The following AXIN1 variants were observed in gnomAD, a reference collection of about 807,000 sequenced individuals.
AXIN1 encodes axin-1.
AXIN1 carries 30 observed loss-of-function variants against 76.4 expected under a neutral mutation model. The observed-to-expected ratio is 0.39, with a 90% CI of 0.29 to 0.53. The LOEUF (loss-of-function observed/expected upper bound fraction) is 0.53. AXIN1 is among the 20% of genes least tolerant of loss of function. The pLI, the probability that AXIN1 is intolerant of heterozygous loss-of-function variation, is 0.66. For synonymous variants in AXIN1, 545 were observed against 501.4 expected (o/e 1.09, Z -1.16); for missense variants, 1,140 against 1,198.8 (o/e 0.95, Z 0.72).
chr16:329,749 G>A (rs954539288), intron 2 of AXIN1, among the ~76,000 whole-genome samples: 3 of 151,798 alleles, frequency 2.0e-5, no homozygotes, highest in East Asian at 1.9e-4. Context: ...TCAGCCTCCC[G>A]AGTAGCTGGG....
At chr16:337,042 G>A (rs1474695677) in intron 2 of AXIN1, among the ~76,000 whole-genome samples, 1 of 149,540 alleles carries the variant, frequency 6.7e-6, no homozygotes, top group African/African-American at 2.5e-5. Context: ...CCCAGATACT[G>A]GGGAGGCTGA....
At chr16:340,945 C>T (rs2053904965) in intron 2 of AXIN1, among the ~76,000 whole-genome samples, 1 of 152,226 alleles carries the variant, frequency 6.6e-6, no homozygotes, top group Admixed American at 6.5e-5. Flanking sequence ...TGCCTGTGGC[C>T]GTGCTGGACC....
intron 4 of AXIN1, among the ~76,000 whole-genome samples, chr16:305,662 G>A (rs2053001417): frequency 6.6e-6 from 1 of 152,120 alleles, no homozygotes; most frequent in South Asian, 2.1e-4. Context: ...TCCTGCCTCA[G>A]CCTCCCGAGT....
intron 8 of AXIN1, chr16:291,624 G>A (rs777382630): frequency 9.3e-6 from 4 of 431,228 alleles, no homozygotes; most frequent in South Asian, 6.2e-5. Context: ...ATCTCGTCCC[G>A]AGAGTCTGTC....
Position 317,050 on chromosome 16 carries a change from G to T in AXIN1, c.879-2367C>A, listed in dbSNP as rs542984460. 3.9e-5 allele frequency among the ~76,000 whole-genome samples: 6 copies of T among 152,288 alleles called. 1 individual carries two copies. The South Asian group carries it at 1.0e-3, about 26-fold the overall frequency. On this transcript the variant is annotated intron_variant, in intron 2 of 10. Coordinates refer to ENST00000262320, the MANE Select transcript of AXIN1 (RefSeq NM_003502.4). ...ATGTCGGAGGTGCAAGCACACCTGC[G>T]CATCAGAGTCCTTGGTGTGGAGGGA...
intron 1 of AXIN1, among the ~76,000 whole-genome samples, chr16:351,629 A>AGAG (rs10637005): frequency 0.25 from 37,163 of 151,322 alleles, 4,704 homozygotes; most frequent in South Asian, 0.31. Flanking sequence ...AAATTATCTT[A>AGAG]GAGGACGGTG....
At chr16:352,281 G>C in intron 1 of AXIN1, 88 bp downstream of exon 1, 1 of 829,366 alleles carries the variant, frequency 1.2e-6, no homozygotes, top group Non-Finnish European at 1.5e-6. Flanking sequence ...TCCCACGCGC[G>C]TCAGCCACCC....
rs888972866 is a variant in AXIN1, at chr16:296,560, G to T, written c.1955+496C>A. ...GCAGGGGCTGGACCTGTGGCGCCGG[G>T]GCCTTGCTCCACACCACACACGAGG... is the stretch of plus-strand genomic sequence containing the variant. On this transcript the variant is annotated intron_variant, in intron 7 of 10. Coordinates refer to ENST00000262320, the MANE Select transcript of AXIN1 (RefSeq NM_003502.4). Among the ~76,000 whole-genome samples the T allele has an allele frequency of 2.0e-5, 3 of 152,152 alleles. No individual in the cohort carries two copies. The South Asian group carries it at 6.2e-4, about 31-fold the overall frequency.
In AXIN1 at chr16:304,426, G is replaced by C. The variant is rs2141547111; in HGVS notation, c.1132C>G (p.Pro378Ala). 6.2e-7 allele frequency: 1 copy of C among 1,612,710 alleles called. No individual in the cohort carries two copies. The highest frequency in any genetic ancestry group is 8.5e-7 in the Non-Finnish European group (1 of 1,179,964). The change falls in exon 5 of 11, where the codon CCG becomes GCG. Residue 378 changes from proline (P) to alanine (A), a missense_variant. Around this residue, in one of 3 missense-constraint regions of AXIN1, gnomAD observed 708 missense variants for 776.9 expected, o/e 0.91. Coordinates refer to ENST00000262320, the MANE Select transcript of AXIN1 (RefSeq NM_003502.4). Reference protein sequence around the residue: ...LPHIPRTYRVPKEVRVEPQKF... With the variant: ...LPHIPRTYRVAKEVRVEPQKF... Reference sequence around the variant, plus strand: ...TGAGGCTCCACGCGGACCTCCTTCGGCACCCGGTACGTGCGCTGCGAGGGA... The same window carrying C: ...TGAGGCTCCACGCGGACCTCCTTCGCCACCCGGTACGTGCGCTGCGAGGGA...
At chr16:326,372 A>AATATATATATAT (rs67811547) in intron 2 of AXIN1, among the ~76,000 whole-genome samples, 10 of 86,464 alleles carry the variant, frequency 1.2e-4, no homozygotes, top group South Asian at 3.5e-4. Flanking sequence ...AAAAAAAAAA[A>AATATATATATAT]ATATATATAT....
In AXIN1 at chr16:288,071, C is replaced by T. The variant is rs1184960408; in HGVS notation, c.*51G>A. The T allele has an allele frequency of 6.2e-7, 1 of 1,611,830 alleles. No individual in the cohort carries two copies. The highest frequency in any genetic ancestry group is 1.3e-5 in the African/African-American group (1 of 74,938). Reference sequence around the variant, plus strand: ...CGAGGTCATCTGCCTGGCCGTGACACCCGTGCCCGCCAAGGGCCTCGCCTG... The same window carrying T: ...CGAGGTCATCTGCCTGGCCGTGACATCCGTGCCCGCCAAGGGCCTCGCCTG... On this transcript the variant is annotated 3_prime_UTR_variant, in exon 11 of 11. Transcript: ENST00000262320.
chr16:317,991 G>C (rs536712359), intron 2 of AXIN1, among the ~76,000 whole-genome samples: 2 of 152,182 alleles, frequency 1.3e-5, no homozygotes, highest in Non-Finnish European at 2.9e-5. Flanking sequence ...CTACGTCCAC[G>C]GCACACGGGT....
Position 346,909 on chromosome 16 carries a change from G to A in AXIN1, c.117C>T (p.Pro39=), listed in dbSNP as rs137878236. ...EGELVSTDPR[P]ASYSFCSGKG... is the part of the protein sequence containing the mutation. Reference sequence around the variant, plus strand: ...TCCCGGAGCAGAAACTGTAGCTGGCGGGCCTCGGGTCTGTGGACACCAGTT... The same window carrying A: ...TCCCGGAGCAGAAACTGTAGCTGGCAGGCCTCGGGTCTGTGGACACCAGTT... The change falls in exon 2 of 11, where the codon CCC becomes CCT. Residue 39 remains proline (P), a synonymous_variant. Coordinates refer to ENST00000262320, the MANE Select transcript of AXIN1 (RefSeq NM_003502.4). 6.2e-4 allele frequency: 998 copies of A among 1,613,816 alleles called. 11 individuals carry two copies. The South Asian group carries it at 7.6e-3, about 12-fold the overall frequency.
chr16:344,781 G>A (rs1472963792), intron 2 of AXIN1, among the ~76,000 whole-genome samples: 9 of 152,138 alleles, frequency 5.9e-5, no homozygotes, highest in Non-Finnish European at 7.3e-5. Flanking sequence ...GAGTCACTGC[G>A]CCCAGTCGAC....
At chr16:289,670 G>A in intron 9 of AXIN1, 63 bp from the exon 10 acceptor site, 1 of 1,595,656 alleles carries the variant, frequency 6.3e-7, no homozygotes, top group South Asian at 1.1e-5. Context: ...GGTCCCTCCT[G>A]CTGGCCTCAG....
rs775595791 is a variant in AXIN1 at position 293,477 on chromosome 16, C to T, written c.2186+11G>A. The T allele has an allele frequency of 1.9e-5, 30 of 1,607,262 alleles. No individual in the cohort carries two copies. The highest frequency in any genetic ancestry group is 2.5e-5 in the Non-Finnish European group (29 of 1,179,496). On this transcript the variant is annotated intron_variant, in intron 8 of 10. Transcript: ENST00000262320. The surrounding 1 kb of genome is among the most constrained non-coding windows in gnomAD (Gnocchi z 4.6). ...CCCCAAGACCCACCCCACCCCACGA[C>T]GCGGCCGTACCTCTGCTTGGAGGGT... is the stretch of plus-strand genomic sequence containing the variant.
intron 2 of AXIN1, among the ~76,000 whole-genome samples, chr16:315,608 A>C (rs1406281592): frequency 6.6e-6 from 1 of 152,160 alleles, no homozygotes; most frequent in East Asian, 1.9e-4. Context: ...CAGGCAGATC[A>C]CGAGGTCAGG....
chr16:322,222 G>A (rs1269315350), intron 2 of AXIN1, among the ~76,000 whole-genome samples: 1 of 152,310 alleles, frequency 6.6e-6, no homozygotes, highest in East Asian at 1.9e-4. Flanking sequence ...GCAAACAGTG[G>A]TGCACACCCC....
At chr16:302,699 G>T (rs1313110251) in intron 5 of AXIN1, among the ~76,000 whole-genome samples, 3 of 152,166 alleles carry the variant, frequency 2.0e-5, no homozygotes, top group African/African-American at 4.8e-5. Context: ...GGTCTCCTGT[G>T]GTCTGAGGAG....
Sources: gnomAD v4.1 joint callset for allele counts (sites outside exome capture counted in the v4.1 genomes callset) on GRCh38, gnomAD v4.1.1 for gene constraint, gnomAD v4.1.1 regional missense constraint, Gnocchi (gnomAD v3.1) non-coding constraint, MANE v1.5 for transcripts, NCBI Gene and HGNC (gene_info 2026-07-23, HGNC 2026-07-21) for gene names.